The following STARD3 variants were observed in gnomAD, a reference collection of about 807,000 sequenced individuals.
STARD3 encodes the protein StAR related lipid transfer domain containing 3.
STARD3 carries 39 observed loss-of-function variants against 62.0 expected under a neutral mutation model. That is an observed-to-expected ratio of 0.63 (90% confidence interval 0.49 to 0.82). STARD3 has a LOEUF of 0.82. Among genes scored for constraint, STARD3 ranks in the 40% least tolerant of loss-of-function variants. The pLI is 0.00. For missense variants in STARD3, 543 were observed against 584.5 expected (o/e 0.93, Z 0.73); for synonymous variants, 229 against 242.4 (o/e 0.94, Z 0.51).
In STARD3 at chr17:39,662,285, A is replaced by G. The variant is rs147486789; in HGVS notation, c.1174A>G (p.Lys392Glu). 2 of 1,613,860 alleles carry G rather than the reference A, an allele frequency of 1.2e-6. No homozygotes were observed. Among genetic ancestry groups the G allele is most frequent in the East Asian group, 2.2e-5 (1 of 44,878 alleles). The change falls in exon 14 of 15, where the codon AAG (lysine) becomes GAG (glutamate). Residue 392 changes from lysine to glutamate, a missense_variant. Physicochemically the swap from Lys to Glu is moderately conservative, Grantham distance 56. Coordinates refer to ENST00000336308, the MANE Select transcript of STARD3 (RefSeq NM_006804.4). ...ENGPGGFIVL[K>E]SASNPRVCTF... ...TGGCCCTGGGGGCTTCATCGTGCTCAAGTCGGCCAGTAACCCCCGTGTTTG... is the reference window on the plus strand; with the variant it reads ...TGGCCCTGGGGGCTTCATCGTGCTCGAGTCGGCCAGTAACCCCCGTGTTTG...
At chr17:39,644,912 G>A (rs112869428) in intron 1 of STARD3, among the ~76,000 whole-genome samples, 4 of 151,970 alleles carry the variant, frequency 2.6e-5, no homozygotes, top group South Asian at 2.1e-4. Context: ...GAGAGCTGCC[G>A]TCGGTCAGCT....
At position 39,660,604 on chromosome 17, in the gene STARD3, C is replaced by T. The variant is rs1250863616; in HGVS notation, c.954+78C>T. The T allele has an allele frequency of 9.3e-6, 14 of 1,505,116 alleles. No homozygotes were observed. The highest frequency in any genetic ancestry group is 1.7e-4 in the Middle Eastern group (1 of 5,860). The allele number at this position is 1,505,116 out of a possible 1,614,324, so 93.2% of individuals were successfully genotyped here. Reference sequence around the variant, plus strand: ...TCAGTGGGATCACTGAAGCACTCAGCGCCTCAGCTGCCCCATCTGTACAGT... The same window carrying T: ...TCAGTGGGATCACTGAAGCACTCAGTGCCTCAGCTGCCCCATCTGTACAGT... On this transcript the variant is annotated intron_variant, in intron 11 of 14. Transcript: ENST00000336308. The surrounding 1 kb of genome is among the most constrained non-coding windows in gnomAD (Gnocchi z 4.8).
At chr17:39,648,513 C>T (rs865804628) in intron 1 of STARD3, among the ~76,000 whole-genome samples, 1 of 152,050 alleles carries the variant, frequency 6.6e-6, no homozygotes, top group South Asian at 2.1e-4. Flanking sequence ...CTGACTTTCC[C>T]CCAGATAAAC....
chr17:39,662,196 G>A, intron 13 of STARD3, 55 bp from the exon 14 acceptor site: 2 of 1,514,438 alleles, frequency 1.3e-6, no homozygotes, highest in Non-Finnish European at 1.8e-6. Context: ...GCTGCGGGGG[G>A]GTGTCAGGGC....
chr17:39,663,276 A>AGCG lies in STARD3; in HGVS notation c.*368_*369insGCG. The AGCG allele has an allele frequency of 2.5e-6, 1 of 396,128 alleles. No homozygotes were observed. Among genetic ancestry groups the AGCG allele is most frequent in the Middle Eastern group, 6.3e-4 (1 of 1,582 alleles). 24.5% of individuals were successfully genotyped at this position (396,128 alleles called of 1,614,324 possible). A position where few individuals can be genotyped will look rare whatever the true frequency, so the allele number is the denominator to read the frequency against. On this transcript the variant is annotated 3_prime_UTR_variant, in exon 15 of 15. Coordinates refer to ENST00000336308, the MANE Select transcript of STARD3 (RefSeq NM_006804.4). ...GCAGCCTGTCACCCGTGTGAAGATG[A>AGCG]AGGGGCTCTTCATCTGCCTGCGCTC...
Position 39,663,104 on chromosome 17 carries a change from C to T in STARD3, c.*196C>T. ...GCACTGGACTCCGGGGCCCCACTGG[C>T]TGGAGGAAGTGGGGTCTGGCCTGTT... On this transcript the variant is annotated 3_prime_UTR_variant, in exon 15 of 15. Coordinates refer to ENST00000336308, the MANE Select transcript of STARD3 (RefSeq NM_006804.4). The T allele has an allele frequency of 1.9e-6, 1 of 530,118 alleles. No homozygotes were observed. The highest frequency in any genetic ancestry group is 3.4e-5 in the East Asian group (1 of 29,228). The allele number at this position is 530,118 out of a possible 1,614,324, so 32.8% of individuals were successfully genotyped here. A position where few individuals can be genotyped will look rare whatever the true frequency, so the allele number is the denominator to read the frequency against.
intron 1 of STARD3, among the ~76,000 whole-genome samples, chr17:39,646,638 C>T (rs2057028520): frequency 6.6e-6 from 1 of 152,168 alleles, no homozygotes; most frequent in Non-Finnish European, 1.5e-5. Flanking sequence ...AGGAAGGGGA[C>T]AGTCTGAGAT....
intron 3 of STARD3, 65 bp from the exon 4 acceptor site, chr17:39,657,710 G>A: frequency 1.3e-6 from 2 of 1,589,376 alleles, no homozygotes; most frequent in Non-Finnish European, 1.7e-6. Flanking sequence ...CAGAGGGGAG[G>A]TCAGCCTGCA....
intron 1 of STARD3, among the ~76,000 whole-genome samples, chr17:39,639,925 G>A (rs1441121967): frequency 1.3e-5 from 2 of 152,186 alleles, no homozygotes; most frequent in African/African-American, 4.8e-5. Context: ...ATTCCAGCCT[G>A]GGTCAGATGA....
Position 39,662,238 on chromosome 17 carries a change from C to T in STARD3, c.1140-13C>T, listed in dbSNP as rs1291489789. ...CTGTTCCAAAGTCCCCCCAATGATG[C>T]CTCTTTCCATAGGGGAGAGAATGGC... On this transcript the variant is annotated splice_polypyrimidine_tract_variant and intron_variant, in intron 13 of 14. Transcript: ENST00000336308. 1 of 1,611,418 alleles carries T rather than the reference C, an allele frequency of 6.2e-7. No individual in the cohort carries two copies. Among genetic ancestry groups the T allele is most frequent in the Middle Eastern group, 1.7e-4 (1 of 5,850 alleles).
intron 2 of STARD3, 90 bp from the exon 3 acceptor site, chr17:39,656,918 A>G: frequency 7.5e-7 from 1 of 1,325,050 alleles, no homozygotes; most frequent in Non-Finnish European, 1.1e-6. Context: ...AGGTTCCTCC[A>G]TCCCCTACCT....
chr17:39,659,603 G>T (rs1171859877), intron 9 of STARD3, 50 bp downstream of exon 9: 4 of 1,589,362 alleles, frequency 2.5e-6, no homozygotes, highest in South Asian at 2.2e-5. Context: ...AGGAGTTTCT[G>T]TTCTCTTTTC....
chr17:39,649,323 G>A (rs935002665), intron 1 of STARD3, among the ~76,000 whole-genome samples: 2 of 152,152 alleles, frequency 1.3e-5, no homozygotes, highest in African/African-American at 4.8e-5. Flanking sequence ...CCAACAACGG[G>A]AATATATATA....
intron 1 of STARD3, among the ~76,000 whole-genome samples, chr17:39,647,226 A>T (rs560157523): frequency 1.4e-5 from 2 of 148,144 alleles, no homozygotes; most frequent in East Asian, 2.0e-4. Flanking sequence ...AAAACCCTCC[A>T]CTTTCCCCCC....
intron 13 of STARD3, among the ~76,000 whole-genome samples, chr17:39,662,046 T>C (rs536972131): frequency 1.3e-5 from 2 of 152,168 alleles, no homozygotes; most frequent in African/African-American, 4.8e-5. Flanking sequence ...GATTCAAGCA[T>C]CACAGAGTGG....
At chr17:39,659,220 C>A in intron 8 of STARD3, 114 bp downstream of exon 8, 2 of 1,351,268 alleles carry the variant, frequency 1.5e-6, no homozygotes, top group Non-Finnish European at 2.1e-6. Context: ...GAACCTCGGG[C>A]AATGCCCATC....
chr17:39,643,718 C>T (rs2057000407), intron 1 of STARD3, among the ~76,000 whole-genome samples: 1 of 152,164 alleles, frequency 6.6e-6, no homozygotes. Context: ...TCAAAACAAC[C>T]CCAGCCCTGC....
intron 9 of STARD3, chr17:39,659,991 G>GT (rs1342346823): frequency 1.7e-6 from 1 of 590,480 alleles, no homozygotes; most frequent in African/African-American, 1.9e-5. Context: ...AGCTGCAGCT[G>GT]TCCCCCCGTC....
In STARD3 at chr17:39,653,732, C is replaced by T. The variant is rs759615791; in HGVS notation, c.201C>T (p.Leu67=). The part of the protein sequence containing the change: ...VTFDLLFISL[L]WIIELNTNTG... ...TCGACCTGCTCTTCATCTCCCTGCTCTGGATCATCGAACTGAATGTGAGTG... is the reference window on the plus strand; with the variant it reads ...TCGACCTGCTCTTCATCTCCCTGCTTTGGATCATCGAACTGAATGTGAGTG... The change falls in exon 2 of 15, where the codon CTC becomes CTT. Residue 67 remains leucine, a synonymous_variant. Coordinates refer to ENST00000336308, the MANE Select transcript of STARD3 (RefSeq NM_006804.4). 1.2e-6 allele frequency: 2 copies of T among 1,614,168 alleles called. No individual in the cohort carries two copies. The highest frequency in any genetic ancestry group is 1.7e-6 in the Non-Finnish European group (2 of 1,180,038).
Sources: gnomAD v4.1 joint callset for allele counts (sites outside exome capture counted in the v4.1 genomes callset) on GRCh38, gnomAD v4.1.1 for gene constraint, Gnocchi (gnomAD v3.1) non-coding constraint, MANE v1.5 for transcripts, NCBI Gene and HGNC (gene_info 2026-07-23, HGNC 2026-07-21) for gene names.